CNBD1: variants seen among roughly 807,000 people sequenced by gnomAD.
The protein encoded by CNBD1 is cyclic nucleotide-binding domain-containing protein 1.
CNBD1 carries 71 observed loss-of-function variants against 54.4 expected under a neutral mutation model. The observed-to-expected ratio is 1.30, with a 90% CI of 1.08 to 1.59. CNBD1 has a LOEUF of 1.59. Among genes scored for constraint, CNBD1 ranks in the 40% most tolerant of loss-of-function variants. The probability of loss-of-function intolerance (pLI) is 0.00; values close to 1 mark genes in which losing one functional copy is unlikely to be tolerated. For synonymous variants in CNBD1, 182 were observed against 170.7 expected (o/e 1.07, Z -0.51); for missense variants, 659 against 518.0 (o/e 1.27, Z -2.64).
chr8:87,060,758 G>T (rs1810526982), intron 4 of CNBD1, among the ~76,000 whole-genome samples: 1 of 152,002 alleles, frequency 6.6e-6, no homozygotes, highest in Non-Finnish European at 1.5e-5. Context: ...AAAATTAAAA[G>T]AATGTTTTCA....
intron 8 of CNBD1, among the ~76,000 whole-genome samples, chr8:87,319,308 T>A (rs1809469465): frequency 6.6e-6 from 1 of 152,068 alleles, no homozygotes; most frequent in African/African-American, 2.4e-5. Flanking sequence ...ACAATAAAAC[T>A]GGGGCCCAAT....
At chr8:87,224,749 C>T (rs1412144297) in intron 5 of CNBD1, among the ~76,000 whole-genome samples, 2 of 150,428 alleles carry the variant, frequency 1.3e-5, no homozygotes, top group Non-Finnish European at 3.0e-5. Flanking sequence ...TCCATATGAA[C>T]TTTAAAGTAG....
At chr8:86,967,970 G>T (rs997594326) in intron 4 of CNBD1, among the ~76,000 whole-genome samples, 1 of 152,028 alleles carries the variant, frequency 6.6e-6, no homozygotes, top group African/African-American at 2.4e-5. Flanking sequence ...GTGTTTTATA[G>T]CCCTGTGATT....
intron 4 of CNBD1, among the ~76,000 whole-genome samples, chr8:87,147,673 A>G (rs1200517179): frequency 1.3e-5 from 2 of 152,136 alleles, no homozygotes; most frequent in African/African-American, 4.8e-5. Flanking sequence ...TGTCTAGTCC[A>G]AAGTTGTTTG....
At chr8:87,085,978 A>G (rs1811087406) in intron 4 of CNBD1, among the ~76,000 whole-genome samples, 1 of 152,070 alleles carries the variant, frequency 6.6e-6, no homozygotes, top group African/African-American at 2.4e-5. Flanking sequence ...TTTGTTTCAT[A>G]ATAGGGATAG....
At chr8:87,209,718 C>T (rs1025018940) in intron 5 of CNBD1, among the ~76,000 whole-genome samples, 3 of 152,008 alleles carry the variant, frequency 2.0e-5, no homozygotes, top group East Asian at 1.9e-4. Flanking sequence ...ATGGCCAAAA[C>T]AATTCTGAGC....
intron 5 of CNBD1, among the ~76,000 whole-genome samples, chr8:87,217,574 T>C (rs1586336577): frequency 6.5e-5 from 1 of 15,430 alleles, no homozygotes; most frequent in African/African-American, 1.3e-4. Context: ...TTTATTAAGC[T>C]TTTTTTTTTT....
chr8:87,227,695 T>C (rs1280618416), intron 5 of CNBD1, among the ~76,000 whole-genome samples: 1 of 147,692 alleles, frequency 6.8e-6, no homozygotes, highest in African/African-American at 2.6e-5. Flanking sequence ...ATTTCAACTT[T>C]GGTGAATCTG....
At chr8:87,263,274 T>C (rs1057471973) in intron 6 of CNBD1, among the ~76,000 whole-genome samples, 5 of 152,222 alleles carry the variant, frequency 3.3e-5, no homozygotes, top group Admixed American at 2.0e-4. Flanking sequence ...TGCATATTTG[T>C]ATATAATAAT....
chr8:87,388,281 C>CA lies in CNBD1; in HGVS notation c.213+34501dup, dbSNP rs554009767. Among the ~76,000 whole-genome samples, 70 of 152,042 alleles carry CA rather than the reference C, an allele frequency of 4.6e-4. No individual in the cohort carries two copies. The Middle Eastern group carries it at 0.01, about 22-fold the overall frequency. On this transcript the variant is annotated intron_variant, in intron 2 of 7. Coordinates refer to the CNBD1 transcript ENST00000521593. ...AGCAGAACTGAAGGAATTAGAGACA[C>CA]AAAAAACCCTTCAAAAAATCAATGA... is the stretch of plus-strand genomic sequence containing the variant.
chr8:86,937,587 G>T (rs953868538), intron 3 of CNBD1, among the ~76,000 whole-genome samples: 1 of 152,190 alleles, frequency 6.6e-6, no homozygotes. Context: ...CTGTGCACCT[G>T]CAGGCTCAAC....
At chr8:87,415,441 C>A (rs928302513) in intron 2 of CNBD1, among the ~76,000 whole-genome samples, 1 of 151,992 alleles carries the variant, frequency 6.6e-6, no homozygotes, top group Non-Finnish European at 1.5e-5. Flanking sequence ...GAAATTTTAT[C>A]TACTGGTGAA....
At chr8:87,411,856 T>A (rs971131712) in intron 2 of CNBD1, among the ~76,000 whole-genome samples, 2 of 151,924 alleles carry the variant, frequency 1.3e-5, no homozygotes, top group Non-Finnish European at 2.9e-5. Context: ...ATATAATAAG[T>A]GACCATGAAG....
At chr8:87,014,730 T>C (rs1034598567) in intron 4 of CNBD1, among the ~76,000 whole-genome samples, 3 of 151,978 alleles carry the variant, frequency 2.0e-5, no homozygotes, top group Non-Finnish European at 2.9e-5. Context: ...TTTAACATTC[T>C]TATTAGAGGT....
At chr8:86,908,606 T>C (rs890504434) in intron 3 of CNBD1, among the ~76,000 whole-genome samples, 2 of 152,152 alleles carry the variant, frequency 1.3e-5, no homozygotes, top group African/African-American at 4.8e-5. Flanking sequence ...ATGTACATTA[T>C]ACCATCTGTC....
intron 4 of CNBD1, among the ~76,000 whole-genome samples, chr8:87,168,958 G>A (rs527789521): frequency 3.9e-5 from 6 of 152,058 alleles, no homozygotes; most frequent in African/African-American, 7.2e-5. Flanking sequence ...GAGTGGGGTC[G>A]CTGGATTGTG....
At chr8:86,880,272 C>G (rs932306163) in intron 1 of CNBD1, among the ~76,000 whole-genome samples, 1 of 152,012 alleles carries the variant, frequency 6.6e-6, no homozygotes, top group Non-Finnish European at 1.5e-5. Context: ...GACACACAGT[C>G]AGTCTTTTGT....
At chr8:87,328,940 G>A (rs1468875829) in intron 8 of CNBD1, among the ~76,000 whole-genome samples, 1 of 151,982 alleles carries the variant, frequency 6.6e-6, no homozygotes, top group Admixed American at 6.6e-5. Flanking sequence ...CATGGATCAT[G>A]CTTTTCTTTT....
At chr8:87,301,240 A>G (rs1037986520) in intron 8 of CNBD1, among the ~76,000 whole-genome samples, 2 of 152,192 alleles carry the variant, frequency 1.3e-5, no homozygotes, top group Non-Finnish European at 2.9e-5. Flanking sequence ...CCAGGACCAG[A>G]TGGATTCACA....
Sources: gnomAD v4.1 joint callset for allele counts (sites outside exome capture counted in the v4.1 genomes callset) on GRCh38, gnomAD v4.1.1 for gene constraint, MANE v1.5 for transcripts, NCBI Gene and HGNC (gene_info 2026-07-23, HGNC 2026-07-21) for gene names.